The following MYCT1 variants were observed in gnomAD, a reference collection of about 807,000 sequenced individuals.
MYCT1 encodes the protein myc target protein 1.
Under a neutral mutation model 15.0 loss-of-function variants are expected in MYCT1, and 12 were observed. That is an observed-to-expected ratio of 0.80 (90% CI 0.51 to 1.29). The LOEUF is 1.29. Among genes scored for constraint, MYCT1 ranks in the 50% most tolerant of loss-of-function variants. MYCT1 has a pLI of 0.00. For synonymous variants in MYCT1, 104 were observed against 102.7 expected, an observed-to-expected ratio of 1.01 and a Z score of -0.07; for missense variants, 287 against 279.1, an observed-to-expected ratio of 1.03 and a Z score of -0.20.
intron 1 of MYCT1, among the ~76,000 whole-genome samples, chr6:152,701,113 G>A (rs750510964): frequency 6.6e-6 from 1 of 152,170 alleles, no homozygotes; most frequent in Non-Finnish European, 1.5e-5. Context: ...AAAATGAGGT[G>A]CTATCTGTTC....
intron 1 of MYCT1, among the ~76,000 whole-genome samples, chr6:152,705,507 T>A (rs1236256179): frequency 6.6e-6 from 1 of 152,006 alleles, no homozygotes; most frequent in Non-Finnish European, 1.5e-5. Context: ...CATAATGTCC[T>A]CCAGGTTCAT....
At chr6:152,729,028 G>A (rs2099726122), downstream of MYCT1, among the ~76,000 whole-genome samples, 1 of 152,210 alleles carries the variant, frequency 6.6e-6, no homozygotes, top group Non-Finnish European at 1.5e-5. Context: ...CCAGCTTAGG[G>A]ACACGGTGTG....
chr6:152,702,033 C>T (rs138548729), intron 1 of MYCT1, among the ~76,000 whole-genome samples: 1 of 152,164 alleles, frequency 6.6e-6, no homozygotes, highest in African/African-American at 2.4e-5. Context: ...GCCATCTTTC[C>T]CAGGAAGCTG....
chr6:152,714,862 G>A lies in MYCT1; in HGVS notation c.197-6880G>A, dbSNP rs868021301. Among the ~76,000 whole-genome samples the A allele has an allele frequency of 2.0e-5, 3 of 151,674 alleles. No individual in the cohort carries two copies. In the South Asian group the frequency reaches 6.2e-4, roughly 31 times the overall value. Reference sequence around the variant, plus strand: ...ATATAACTTTCTATTTCATATATATGTATAAAACTTTCCTTCTGGCAGTTA... The same window carrying A: ...ATATAACTTTCTATTTCATATATATATATAAAACTTTCCTTCTGGCAGTTA... On this transcript the variant is annotated intron_variant, in intron 1 of 1. Transcript: ENST00000367245.
intron 1 of MYCT1, among the ~76,000 whole-genome samples, chr6:152,717,695 T>C (rs2099723929): frequency 6.6e-6 from 1 of 152,110 alleles, no homozygotes; most frequent in African/African-American, 2.4e-5. Context: ...TAAACCTCTT[T>C]CTTTTGTAAA....
chr6:152,702,145 G>GTATT (rs1188350498), intron 1 of MYCT1, among the ~76,000 whole-genome samples: 1 of 152,082 alleles, frequency 6.6e-6, no homozygotes, highest in East Asian at 1.9e-4. Flanking sequence ...CTTACAGGTC[G>GTATT]TATTCTATAT....
At chr6:152,734,134 A>G in the MYCT1 span, among the ~76,000 whole-genome samples, 4 of 152,088 alleles carry the variant, frequency 2.6e-5, no homozygotes, top group Non-Finnish European at 4.4e-5. Flanking sequence ...GGGATTCAAG[A>G]CTATCCTTTA....
At chr6:152,743,705 C>T in the MYCT1 span, among the ~76,000 whole-genome samples, 718 of 152,286 alleles carry the variant, frequency 4.7e-3, 4 homozygotes, top group Middle Eastern at 0.01. Context: ...ATCTCAGCTC[C>T]GCTACTCATT....
At chr6:152,734,349 G>A in the MYCT1 span, among the ~76,000 whole-genome samples, 7 of 152,120 alleles carry the variant, frequency 4.6e-5, no homozygotes, top group Admixed American at 2.0e-4. Flanking sequence ...CTGGTTAAGC[G>A]CAAAACTTAT....
At position 152,722,206 on chromosome 6, in the gene MYCT1, C is replaced by T; in HGVS notation, c.661C>T (p.Pro221Ser). The T allele has an allele frequency of 6.2e-7, 1 of 1,614,060 alleles. No individual in the cohort carries two copies. The highest frequency in any genetic ancestry group is 8.5e-7 in the Non-Finnish European group (1 of 1,180,004). ...TCTTCGAGTGGGCCTTTCAACACCG[C>T]CCCCACCTGCCTATGAGTCCATCAT... ...NSLRVGLSTP[P>S]PPAYESIIKA... Residue 221 changes from proline to serine, a missense_variant, in exon 2 of 2, where the codon CCC becomes TCC. Pro to Ser is a moderately conservative substitution (Grantham distance 74). Coordinates refer to ENST00000367245, the MANE Select transcript of MYCT1 (RefSeq NM_025107.3).
the MYCT1 span, among the ~76,000 whole-genome samples, chr6:152,732,349 G>A: frequency 2.0e-5 from 3 of 152,010 alleles, no homozygotes; most frequent in Admixed American, 2.0e-4. Context: ...TACTAAAATA[G>A]AACTAGGCAT....
At chr6:152,718,036 ATT>A (rs1022266454) in intron 1 of MYCT1, among the ~76,000 whole-genome samples, 1 of 152,060 alleles carries the variant, frequency 6.6e-6, no homozygotes, top group African/African-American at 2.4e-5. Flanking sequence ...ATTTGATGAC[ATT>A]TTAAGTCATT....
chr6:152,725,529 G>A (rs149407656), downstream of MYCT1, among the ~76,000 whole-genome samples: 63 of 152,168 alleles, frequency 4.1e-4, no homozygotes, highest in East Asian at 0.011. Context: ...CAAGAGATCC[G>A]CCCACCTCAG....
chr6:152,732,742 A>G, the MYCT1 span, among the ~76,000 whole-genome samples: 1 of 152,226 alleles, frequency 6.6e-6, no homozygotes, highest in Non-Finnish European at 1.5e-5. Flanking sequence ...TTTGGCACAG[A>G]CACAAAGAAG....
intron 1 of MYCT1, among the ~76,000 whole-genome samples, chr6:152,720,958 C>G (rs115866738): frequency 0.019 from 2,828 of 152,188 alleles, 91 homozygotes; most frequent in African/African-American, 0.063. Context: ...ATTTTTCTCC[C>G]CAGAAAGGGA....
chr6:152,742,230 C>A, the MYCT1 span, among the ~76,000 whole-genome samples: 7 of 152,084 alleles, frequency 4.6e-5, no homozygotes, highest in Non-Finnish European at 1.0e-4. Flanking sequence ...GCACCTCACC[C>A]AAATTTGATG....
chr6:152,745,353 C>T, the MYCT1 span, among the ~76,000 whole-genome samples: 2 of 152,054 alleles, frequency 1.3e-5, no homozygotes, highest in Admixed American at 6.6e-5. Flanking sequence ...ATCTTGGCGG[C>T]ATGGGAGGCT....
downstream of MYCT1, among the ~76,000 whole-genome samples, chr6:152,725,873 G>A (rs1314181741): frequency 2.6e-5 from 4 of 152,154 alleles, no homozygotes. Flanking sequence ...TATCAGATGT[G>A]AGTAACCGAC....
At chr6:152,698,135 T>A in intron 1 of MYCT1, 37 bp downstream of exon 1, 1 of 1,310,334 alleles carries the variant, frequency 7.6e-7, no homozygotes, top group Non-Finnish European at 1.0e-6. Flanking sequence ...AATTTAAAAT[T>A]AGGATGTAAG....
Sources: allele counts gnomAD v4.1 joint callset (sites outside exome capture counted in the v4.1 genomes callset), GRCh38; gene constraint gnomAD v4.1.1; transcripts MANE v1.5; gene names NCBI Gene and HGNC (gene_info 2026-07-23, HGNC 2026-07-21).